IMPG2: variants seen among roughly 807,000 people sequenced by gnomAD.
The protein encoded by IMPG2 is IPM 200.
Under a neutral mutation model 129.2 loss-of-function variants are expected in IMPG2, and 91 were observed. That is an observed-to-expected ratio of 0.70 (90% CI 0.59 to 0.84). The LOEUF is 0.84. Among genes scored for constraint, IMPG2 ranks in the 40% least tolerant of loss-of-function variants. The probability of loss-of-function intolerance (pLI) is 0.00; values close to 1 mark genes in which losing one functional copy is unlikely to be tolerated. For synonymous variants in IMPG2, 510 were observed against 517.7 expected, an observed-to-expected ratio of 0.99 and a Z score of 0.20; for missense variants, 1,430 against 1,461.7, an observed-to-expected ratio of 0.98 and a Z score of 0.35.
intron 17 of IMPG2, 104 bp downstream of exon 17, chr3:101,229,276 G>T: frequency 1.0e-6 from 1 of 954,190 alleles, no homozygotes; most frequent in Non-Finnish European, 1.7e-6. Flanking sequence ...AAGTCCATGT[G>T]CATGCACACA....
chr3:101,289,785 G>C (rs1210614151), intron 4 of IMPG2, among the ~76,000 whole-genome samples: 1 of 151,890 alleles, frequency 6.6e-6, no homozygotes, highest in Non-Finnish European at 1.5e-5. Context: ...GGGAAGTAGA[G>C]AGACCTCTTG....
chr3:101,253,679 A>G lies in IMPG2; in HGVS notation c.1239+17T>C. 1 of 1,583,370 alleles carries G rather than the reference A, an allele frequency of 6.3e-7. No homozygotes were observed. Among genetic ancestry groups the G allele is most frequent in the East Asian group, 2.2e-5 (1 of 44,704 alleles). On this transcript the variant is annotated intron_variant, in intron 11 of 18. Coordinates refer to ENST00000193391, the MANE Select transcript of IMPG2 (RefSeq NM_016247.4). ...AAGCTTGAGGGCCTGGTTCTAGCATAAAACATAAAAACATACCAGAATAGA... is the reference window on the plus strand; with the variant it reads ...AAGCTTGAGGGCCTGGTTCTAGCATGAAACATAAAAACATACCAGAATAGA...
chr3:101,299,302 C>T (rs1005961755), intron 3 of IMPG2, among the ~76,000 whole-genome samples: 1 of 152,160 alleles, frequency 6.6e-6, no homozygotes, highest in Non-Finnish European at 1.5e-5. Context: ...AACCTTTTAT[C>T]AAGGTTCTTA....
intron 2 of IMPG2, among the ~76,000 whole-genome samples, chr3:101,315,489 C>T (rs1035085026): frequency 6.6e-6 from 1 of 151,996 alleles, no homozygotes; most frequent in East Asian, 1.9e-4. Flanking sequence ...AAACTTATTT[C>T]GTGCACAAAA....
chr3:101,309,537 C>T (rs780308334), intron 2 of IMPG2, among the ~76,000 whole-genome samples: 3 of 152,054 alleles, frequency 2.0e-5, no homozygotes, highest in Non-Finnish European at 4.4e-5. Flanking sequence ...CTTATTAAGC[C>T]ACAGATCTCA....
At chr3:101,243,232 C>T (rs922910433) in intron 13 of IMPG2, among the ~76,000 whole-genome samples, 2 of 152,226 alleles carry the variant, frequency 1.3e-5, no homozygotes, top group African/African-American at 4.8e-5. Flanking sequence ...AAAACATTAG[C>T]TTCACAGTAA....
chr3:101,281,940 C>A (rs1706897391), intron 4 of IMPG2, among the ~76,000 whole-genome samples: 2 of 152,144 alleles, frequency 1.3e-5, no homozygotes, highest in Non-Finnish European at 2.9e-5. Flanking sequence ...CATGCTGATA[C>A]TTTGAGACCC....
Position 101,244,169 on chromosome 3 carries a change from G to A in IMPG2, c.2162C>T (p.Pro721Leu), listed in dbSNP as rs1293073135. ...GVDDYSVTKA[P>L]LILTSVAISA... ...GATTGCTACAGATGTCAGTATAAGA[G>A]GTGCTTTGGTAACTGAGTAATCATC... Residue 721 changes from proline (P) to leucine (L), a missense_variant, in exon 13 of 19, where the codon CCT (proline) becomes CTT (leucine). By Grantham distance (98) the Pro-to-Leu change is moderately conservative. Coordinates refer to ENST00000193391, the MANE Select transcript of IMPG2 (RefSeq NM_016247.4). The A allele has an allele frequency of 1.9e-6, 3 of 1,614,060 alleles. No homozygotes were observed. In the Admixed American group the frequency reaches 5.0e-5, roughly 27 times the overall value.
chr3:101,257,037 TGAATTTAA>T (rs1706617945), intron 10 of IMPG2, among the ~76,000 whole-genome samples: 1 of 152,056 alleles, frequency 6.6e-6, no homozygotes, highest in Non-Finnish European at 1.5e-5. Context: ...CACAGCAATC[TGAATTTAA>T]AGTCAGTATT....
intron 16 of IMPG2, 89 bp downstream of exon 16, chr3:101,230,868 C>A (rs1706277600): frequency 8.5e-6 from 10 of 1,178,500 alleles, no homozygotes; most frequent in African/African-American, 3.0e-5. Context: ...CCAGCCAGCT[C>A]CTTGTCCAAT....
chr3:101,237,501 C>T (rs967072024), intron 14 of IMPG2, among the ~76,000 whole-genome samples: 1 of 152,116 alleles, frequency 6.6e-6, no homozygotes, highest in Non-Finnish European at 1.5e-5. Context: ...CCCTCTGGGA[C>T]AAAGCTTGCA....
At chr3:101,242,640 TAATCACTGGATTCTACTAAGA>T (rs748004050) in intron 14 of IMPG2, 27 bp downstream of exon 14, 1 of 1,341,102 alleles carries the variant, frequency 7.5e-7, no homozygotes, top group Non-Finnish European at 1.1e-6. Context: ...CACACAAGAA[TAATCACTGGATTCTACTAAGA>T]AACCACCATG....
rs774252866 is a variant in IMPG2, at chr3:101,246,085, T to G, written c.1260A>C (p.Ala420=). ...SSILDNTFQA[A]WPSADESITS... ...TGATGGATTCATCTGCTGAGGGCCA[T>G]GCAGCTTGAAAGGTATTATCCTGGG... The change falls in exon 12 of 19, where the codon GCA becomes GCC. Residue 420 remains alanine (A), a synonymous_variant. Transcript: ENST00000193391. 6.2e-7 allele frequency: 1 copy of G among 1,614,050 alleles called. No homozygotes were observed.
chr3:101,319,553 AT>A, intron 2 of IMPG2, 30 bp downstream of exon 2: 1 of 1,611,650 alleles, frequency 6.2e-7, no homozygotes, highest in Non-Finnish European at 8.5e-7. Context: ...GAATTTCATT[AT>A]GGAGCTGAAG....
intron 3 of IMPG2, among the ~76,000 whole-genome samples, chr3:101,295,353 G>C (rs1321349523): frequency 6.6e-6 from 1 of 151,946 alleles, no homozygotes; most frequent in Non-Finnish European, 1.5e-5. Context: ...TCCCCAGCTT[G>C]TTTTTGTCAG....
rs2058805871 is a variant in IMPG2, at chr3:101,320,468, C to T, written c.-96G>A. 2.6e-6 allele frequency: 2 copies of T among 762,504 alleles called. No individual in the cohort carries two copies. The highest frequency in any genetic ancestry group is 2.4e-4 in the Middle Eastern group (1 of 4,118). The allele number at this position is 762,504 out of a possible 1,614,324, so 47.2% of individuals were successfully genotyped here. A position where few individuals can be genotyped will look rare whatever the true frequency, so the allele number is the denominator to read the frequency against. On this transcript the variant is annotated 5_prime_UTR_variant, in exon 1 of 19. Coordinates refer to ENST00000193391, the MANE Select transcript of IMPG2 (RefSeq NM_016247.4). Reference sequence around the variant, plus strand: ...AATAACAAAGAGTTATAGGAAAGACCTAACATTTAAAAGTCTATGTTTGAG... The same window carrying T: ...AATAACAAAGAGTTATAGGAAAGACTTAACATTTAAAAGTCTATGTTTGAG...
At chr3:101,242,096 A>G (rs1056118211) in intron 14 of IMPG2, among the ~76,000 whole-genome samples, 6 of 152,088 alleles carry the variant, frequency 3.9e-5, no homozygotes, top group Admixed American at 3.9e-4. Context: ...GCTTACATTT[A>G]TGGAGAGAGA....
intron 3 of IMPG2, among the ~76,000 whole-genome samples, chr3:101,298,109 T>G (rs577036045): frequency 6.6e-6 from 1 of 152,252 alleles, no homozygotes; most frequent in Non-Finnish European, 1.5e-5. Context: ...ATATTTAGGA[T>G]AGTTAGCTCT....
Position 101,291,421 on chromosome 3 carries a change from T to C in IMPG2, c.533+58A>G, listed in dbSNP as rs749308209. On this transcript the variant is annotated intron_variant, in intron 4 of 18. Coordinates refer to ENST00000193391, the MANE Select transcript of IMPG2 (RefSeq NM_016247.4). ...CATTAAATTTGGGGTGAGTCTTGAA[T>C]TAGGCTATGACACATCTGTGTTGCC... 42 of 1,430,388 alleles carry C rather than the reference T, an allele frequency of 2.9e-5. No homozygotes were observed. The Admixed American group carries it at 3.4e-4, about 11-fold the overall frequency. The allele number at this position is 1,430,388 out of a possible 1,614,324, so 88.6% of individuals were successfully genotyped here.
Sources: gnomAD v4.1 joint callset for allele counts (sites outside exome capture counted in the v4.1 genomes callset) on GRCh38, gnomAD v4.1.1 for gene constraint, MANE v1.5 for transcripts, NCBI Gene and HGNC (gene_info 2026-07-23, HGNC 2026-07-21) for gene names.